The following CYTH4 variants were observed in gnomAD, a reference collection of about 807,000 sequenced individuals.
CYTH4 encodes the protein cytohesin-4.
CYTH4 carries 22 observed loss-of-function variants against 57.5 expected under a neutral mutation model. The observed-to-expected ratio is 0.38, with a 90% CI of 0.27 to 0.55. CYTH4 has a LOEUF of 0.55. Among genes scored for constraint, CYTH4 ranks in the 20% least tolerant of loss-of-function variants. The probability of loss-of-function intolerance (pLI) is 0.74; values close to 1 mark genes in which losing one functional copy is unlikely to be tolerated. For missense variants in CYTH4, 420 were observed against 535.6 expected (o/e 0.78, Z 2.13); for synonymous variants, 186 against 206.5 (o/e 0.90, Z 0.85).
chr22:37,301,147 C>T (rs1353884049), intron 7 of CYTH4, 128 bp downstream of exon 7: 3 of 703,600 alleles, frequency 4.3e-6, no homozygotes, highest in Non-Finnish European at 7.1e-6. Flanking sequence ...TTCATGAGCC[C>T]TCACTGAGCA....
intron 8 of CYTH4, among the ~76,000 whole-genome samples, chr22:37,303,991 G>C (rs1929298207): frequency 1.3e-5 from 2 of 152,326 alleles, no homozygotes; most frequent in South Asian, 4.1e-4. Flanking sequence ...TCAGGGTCTG[G>C]TGGGAGGACT....
chr22:37,285,357 G>A (rs1928515595), intron 1 of CYTH4, among the ~76,000 whole-genome samples: 1 of 151,786 alleles, frequency 6.6e-6, no homozygotes, highest in Non-Finnish European at 1.5e-5. Context: ...GTGTGTGGTG[G>A]TGGTGGTGGT....
At chr22:37,299,897 A>G (rs1043916241) in intron 6 of CYTH4, among the ~76,000 whole-genome samples, 1 of 152,178 alleles carries the variant, frequency 6.6e-6, no homozygotes, top group African/African-American at 2.4e-5. Flanking sequence ...AGGCTGAGGC[A>G]GGAGAATCAC....
chr22:37,293,030 A>G (rs1308549334), intron 2 of CYTH4, among the ~76,000 whole-genome samples: 1 of 152,236 alleles, frequency 6.6e-6, no homozygotes, highest in Non-Finnish European at 1.5e-5. Flanking sequence ...TCACCCCTGC[A>G]GAGTGTAGAC....
intron 2 of CYTH4, among the ~76,000 whole-genome samples, chr22:37,293,980 G>A (rs910243650): frequency 2.6e-5 from 4 of 151,664 alleles, no homozygotes; most frequent in Admixed American, 6.6e-5. Flanking sequence ...TGGTGTCCCC[G>A]TAGTACCTGG....
At chr22:37,290,438 C>T (rs1046882200) in intron 1 of CYTH4, among the ~76,000 whole-genome samples, 4 of 152,192 alleles carry the variant, frequency 2.6e-5, no homozygotes, top group African/African-American at 7.2e-5. Flanking sequence ...TCAGTCCCGA[C>T]GTTCTGTATC....
rs973665866 is a variant in CYTH4, at chr22:37,309,325, TGAGAGACC to T, written c.808+5_808+12del. 6.2e-7 allele frequency: 1 copy of T among 1,613,606 alleles called. No individual in the cohort carries two copies. Among genetic ancestry groups the T allele is most frequent in the Non-Finnish European group, 8.5e-7 (1 of 1,179,606 alleles). On this transcript the variant is annotated splice_donor_5th_base_variant and intron_variant, in intron 9 of 12. Coordinates refer to ENST00000248901, the MANE Select transcript of CYTH4 (RefSeq NM_013385.5). Reference sequence around the variant, plus strand: ...GGGAGGGTTGGCTGCTCAAGCTAGGTGAGAGACCGACAGACACACGTCGTCGCACACAC... The same window carrying T: ...GGGAGGGTTGGCTGCTCAAGCTAGGTGACAGACACACGTCGTCGCACACAC...
chr22:37,290,979 A>G (rs1306481440), intron 1 of CYTH4, among the ~76,000 whole-genome samples: 1 of 152,162 alleles, frequency 6.6e-6, no homozygotes, highest in East Asian at 1.9e-4. Flanking sequence ...GAAGAGCCAG[A>G]TGCACACAGC....
In CYTH4 at chr22:37,311,420, T is replaced by C. The variant is rs771618037; in HGVS notation, c.886-36T>C. 12 of 1,593,588 alleles carry C rather than the reference T, an allele frequency of 7.5e-6. No individual in the cohort carries two copies. Among genetic ancestry groups the C allele is most frequent in the African/African-American group, 1.3e-5 (1 of 74,470 alleles). On this transcript the variant is annotated intron_variant, in intron 10 of 12. Coordinates refer to ENST00000248901, the MANE Select transcript of CYTH4 (RefSeq NM_013385.5). This position sits in a 1 kb window ranked among gnomAD's most constrained non-coding sequence, Gnocchi z 4.4. ...CCTGCCTTGGGCCTCAGGGTTCCGC[T>C]TCCTGACCCTGACCTTCCTTCCCCT...
chr22:37,303,807 G>A (rs1297038141), intron 8 of CYTH4, among the ~76,000 whole-genome samples: 1 of 152,196 alleles, frequency 6.6e-6, no homozygotes, highest in Non-Finnish European at 1.5e-5. Flanking sequence ...TAAGCCCTCT[G>A]TCCTTTAGAG....
At chr22:37,301,078 G>A in intron 7 of CYTH4, 59 bp downstream of exon 7, 1 of 1,453,972 alleles carries the variant, frequency 6.9e-7, no homozygotes, top group Non-Finnish European at 9.5e-7. Context: ...GCCAGGCATA[G>A]ATTTCACAGA....
At chr22:37,283,768 C>A (rs1370859142) in intron 1 of CYTH4, among the ~76,000 whole-genome samples, 1 of 152,162 alleles carries the variant, frequency 6.6e-6, no homozygotes, top group African/African-American at 2.4e-5. Context: ...GCTTTGGGGG[C>A]TCCCAAAATC....
Position 37,313,650 on chromosome 22 carries a change from T to A in CYTH4, c.*139T>A. 2.5e-6 allele frequency: 2 copies of A among 794,306 alleles called. No individual in the cohort carries two copies. The highest frequency in any genetic ancestry group is 1.7e-5 in the South Asian group (1 of 60,478). 49.2% of individuals were successfully genotyped at this position (794,306 alleles called of 1,614,324 possible). A position where few individuals can be genotyped will look rare whatever the true frequency, so the allele number is the denominator to read the frequency against. On this transcript the variant is annotated 3_prime_UTR_variant, in exon 13 of 13. Transcript: ENST00000248901. ...GTTCCCCGTTACCTCGAGCTGACTC[T>A]AGAGGGGAAGGCAGAGCTCAGGAGG...
chr22:37,285,153 C>T (rs1019985698), intron 1 of CYTH4, among the ~76,000 whole-genome samples: 1 of 152,220 alleles, frequency 6.6e-6, no homozygotes, highest in Non-Finnish European at 1.5e-5. Context: ...GGAAGCAGGG[C>T]TGCAAGCTCA....
At chr22:37,308,710 ATGTG>A (rs370573409) in intron 8 of CYTH4, among the ~76,000 whole-genome samples, 2 of 145,828 alleles carry the variant, frequency 1.4e-5, no homozygotes, top group African/African-American at 2.5e-5. Context: ...GTGAGCATGC[ATGTG>A]TGTGTGCGTG....
At chr22:37,301,085 C>A in intron 7 of CYTH4, 66 bp downstream of exon 7, 1 of 1,394,754 alleles carries the variant, frequency 7.2e-7, no homozygotes, top group Non-Finnish European at 1.0e-6. Context: ...ATAGATTTCA[C>A]AGACCCCCTC....
intron 8 of CYTH4, among the ~76,000 whole-genome samples, chr22:37,307,408 G>T (rs942990946): frequency 3.3e-5 from 5 of 152,140 alleles, no homozygotes; most frequent in Non-Finnish European, 7.4e-5. Context: ...CCTGTTCCAG[G>T]CGCTTGTTCA....
intron 8 of CYTH4, chr22:37,304,274 C>G (rs1301878552): frequency 6.6e-6 from 3 of 456,622 alleles, no homozygotes; most frequent in Non-Finnish European, 1.3e-5. Flanking sequence ...GAGAGGTGTC[C>G]AGTGTGGCCG....
chr22:37,294,769 T>A (rs909995825), intron 3 of CYTH4, 45 bp downstream of exon 3: 3 of 1,608,902 alleles, frequency 1.9e-6, no homozygotes, highest in Non-Finnish European at 2.6e-6. Context: ...CATGGTTGCT[T>A]CCCAAGGATG....
Sources: gnomAD v4.1 joint callset for allele counts (sites outside exome capture counted in the v4.1 genomes callset) on GRCh38, gnomAD v4.1.1 for gene constraint, Gnocchi (gnomAD v3.1) non-coding constraint, MANE v1.5 for transcripts, NCBI Gene and HGNC (gene_info 2026-07-23, HGNC 2026-07-21) for gene names.